Variants in NEBL observed in about 807,000 individuals in gnomAD.
NEBL encodes nebulette.
A neutral mutation model predicts 140.2 loss-of-function variants in NEBL; 122 were observed. That is an observed-to-expected ratio of 0.87 (90% CI 0.75 to 1.01). The LOEUF (loss-of-function observed/expected upper bound fraction) is 1.01, where lower values mean the gene tolerates loss of function less well. NEBL is among the 50% of genes least tolerant of loss of function. NEBL has a pLI of 0.00. For missense variants in NEBL, 1,365 were observed against 1,231.3 expected (o/e 1.11, Z -1.62); for synonymous variants, 436 against 398.9 (o/e 1.09, Z -1.11).
chr10:21,020,277 C>T, intron 2 of NEBL: 1 of 1,286,154 alleles, frequency 7.8e-7, no homozygotes, highest in Non-Finnish European at 1.1e-6. Context: ...CATTGTTTTG[C>T]ACATCCCCCC....
rs993134188 is a variant in NEBL at position 20,868,827 on chromosome 10, C to T, written c.583-62G>A. 9.3e-6 allele frequency: 9 copies of T among 971,882 alleles called. No homozygotes were observed. In the African/African-American group the frequency reaches 2.4e-4, roughly 26 times the overall value. The allele number at this position is 971,882 out of a possible 1,614,324, so 60.2% of individuals were successfully genotyped here. A position where few individuals can be genotyped will look rare whatever the true frequency, so the allele number is the denominator to read the frequency against. On this transcript the variant is annotated intron_variant, in intron 6 of 27. Transcript: ENST00000377122. ...ACCCTCCAATGATGAACTACATTGA[C>T]ATTAGCCAAAAAAAAAAAAAATAAC... is the stretch of plus-strand genomic sequence containing the variant.
intron 2 of NEBL, among the ~76,000 whole-genome samples, chr10:21,157,214 C>CT (rs1005799861): frequency 8.0e-5 from 12 of 149,164 alleles, no homozygotes; most frequent in Admixed American, 2.0e-4. Context: ...TATTCCTTCA[C>CT]TTTTTTTTTT....
chr10:21,006,246 C>A (rs949363773), intron 3 of NEBL, among the ~76,000 whole-genome samples: 2 of 152,122 alleles, frequency 1.3e-5, no homozygotes, highest in Middle Eastern at 3.2e-3. Flanking sequence ...TCATAGACAT[C>A]CTTGTACTTA....
At chr10:20,968,812 A>G (rs1836443250) in intron 3 of NEBL, among the ~76,000 whole-genome samples, 1 of 152,208 alleles carries the variant, frequency 6.6e-6, no homozygotes, top group Non-Finnish European at 1.5e-5. Flanking sequence ...GATACTCCAC[A>G]TTTCTTTAAA....
intron 4 of NEBL, among the ~76,000 whole-genome samples, chr10:20,905,419 C>T: frequency 6.6e-6 from 1 of 152,166 alleles, no homozygotes; most frequent in East Asian, 1.9e-4. Context: ...AAAGCAGGCA[C>T]TTCTTACATG....
chr10:20,818,107 T>C (rs528615292), intron 20 of NEBL, among the ~76,000 whole-genome samples: 98 of 152,248 alleles, frequency 6.4e-4, no homozygotes, highest in Middle Eastern at 3.4e-3. Context: ...AAGCTAAAGC[T>C]CTCTGACTCC....
At chr10:20,867,962 T>TC (rs1178185261) in intron 7 of NEBL, 1 of 151,714 alleles carries the variant, frequency 6.6e-6, no homozygotes, top group Non-Finnish European at 1.5e-5. Context: ...TAACTTAAGT[T>TC]CCCCTTCACT....
chr10:21,021,806 G>A (rs1020770254), intron 2 of NEBL, among the ~76,000 whole-genome samples: 1 of 152,048 alleles, frequency 6.6e-6, no homozygotes. Context: ...GCCTTGCTGG[G>A]GTGCATTCCT....
intron 4 of NEBL, among the ~76,000 whole-genome samples, chr10:20,940,846 T>C (rs993219833): frequency 4.6e-5 from 7 of 152,150 alleles, no homozygotes; most frequent in Non-Finnish European, 7.3e-5. Flanking sequence ...AAGAAATGGA[T>C]AAATTCCTCA....
At chr10:20,865,071 T>C (rs1844133406) in intron 7 of NEBL, among the ~76,000 whole-genome samples, 1 of 152,182 alleles carries the variant, frequency 6.6e-6, no homozygotes, top group African/African-American at 2.4e-5. Flanking sequence ...GTGGATTGAA[T>C]TTGAAATGTG....
At chr10:20,976,522 G>C (rs146607715) in intron 3 of NEBL, among the ~76,000 whole-genome samples, 1 of 152,138 alleles carries the variant, frequency 6.6e-6, no homozygotes, top group African/African-American at 2.4e-5. Flanking sequence ...ATCAACCCAG[G>C]TGTTCATCAA....
chr10:21,168,781 G>T (rs1034909901), intron 2 of NEBL, among the ~76,000 whole-genome samples: 3 of 151,832 alleles, frequency 2.0e-5, no homozygotes, highest in Non-Finnish European at 4.4e-5. Context: ...GGGCGCGGTG[G>T]CTCATGCCTG....
At chr10:20,834,120 C>G (rs373589431) in intron 14 of NEBL, among the ~76,000 whole-genome samples, 15 of 152,138 alleles carry the variant, frequency 9.9e-5, no homozygotes, top group African/African-American at 3.4e-4. Flanking sequence ...CTTAATTTTT[C>G]TATAAGAATG....
chr10:21,107,923 C>T (rs973350016), intron 2 of NEBL, among the ~76,000 whole-genome samples: 4 of 152,134 alleles, frequency 2.6e-5, no homozygotes. Context: ...AGGAATTTAT[C>T]CATGTCTTCT....
intron 26 of NEBL, among the ~76,000 whole-genome samples, chr10:20,802,751 G>A (rs143157555): frequency 8.5e-5 from 13 of 152,220 alleles, no homozygotes; most frequent in African/African-American, 1.2e-4. Context: ...GAACTTACTC[G>A]AAAGAAGGAA....
At chr10:20,964,681 A>T (rs1046174295) in intron 3 of NEBL, among the ~76,000 whole-genome samples, 2 of 152,126 alleles carry the variant, frequency 1.3e-5, no homozygotes, top group African/African-American at 4.8e-5. Flanking sequence ...CATCCAAACC[A>T]TATCAGGGGT....
intron 9 of NEBL, among the ~76,000 whole-genome samples, chr10:20,856,936 C>A (rs940423445): frequency 2.6e-5 from 4 of 152,114 alleles, no homozygotes; most frequent in Non-Finnish European, 5.9e-5. Flanking sequence ...TTAAATGATT[C>A]TCCTGCCTCA....
At chr10:21,156,152 A>G (rs1472717643) in intron 2 of NEBL, among the ~76,000 whole-genome samples, 1 of 152,238 alleles carries the variant, frequency 6.6e-6, no homozygotes, top group Non-Finnish European at 1.5e-5. Flanking sequence ...GCTGGCATTC[A>G]TTTATTGGGG....
chr10:20,821,469 C>A (rs1489554716), intron 19 of NEBL, among the ~76,000 whole-genome samples: 2 of 152,102 alleles, frequency 1.3e-5, no homozygotes, highest in African/African-American at 2.4e-5. Flanking sequence ...CATTTGCATG[C>A]CCCTTTCTCT....
Sources: allele counts gnomAD v4.1 joint callset (sites outside exome capture counted in the v4.1 genomes callset), GRCh38; gene constraint gnomAD v4.1.1; transcripts MANE v1.5; gene names NCBI Gene and HGNC (gene_info 2026-07-23, HGNC 2026-07-21).